PPM1D: variants seen among roughly 807,000 people sequenced by gnomAD.
The protein encoded by PPM1D is protein phosphatase 1D.
A neutral mutation model predicts 58.3 loss-of-function variants in PPM1D; 52 were observed. The ratio of observed to expected loss-of-function variants is 0.89; its 90% CI spans 0.71 to 1.12. The LOEUF (loss-of-function observed/expected upper bound fraction) is 1.12, where lower values mean the gene tolerates loss of function less well. Ranked by LOEUF, PPM1D falls within the 50% of genes most tolerant of loss-of-function variation. The probability of loss-of-function intolerance (pLI) is 0.00; values close to 1 mark genes in which losing one functional copy is unlikely to be tolerated. For missense variants in PPM1D, 564 were observed against 777.2 expected, an observed-to-expected ratio of 0.73 and a Z score of 3.26; for synonymous variants, 278 against 285.1, an observed-to-expected ratio of 0.98 and a Z score of 0.25.
Position 60,663,277 on chromosome 17 carries a change from A to G in PPM1D, c.1543A>G (p.Met515Val), listed in dbSNP as rs770291979. 2 of 1,614,216 alleles carry G rather than the reference A, an allele frequency of 1.2e-6. No homozygotes were observed. The highest frequency in any genetic ancestry group is 1.1e-5 in the South Asian group (1 of 91,082). Residue 515 changes from methionine (M) to valine (V), a missense_variant, in exon 6 of 6, where the codon ATG (methionine) becomes GTG (valine). Physicochemically the swap from Met to Val is conservative, Grantham distance 21 (BLOSUM62 1). Coordinates refer to ENST00000305921, the MANE Select transcript of PPM1D (RefSeq NM_003620.4). ...TGTCATGGACCAAAAAAATTTGAAG[A>G]TGTCAACTCCTGGCCAAATGAAAGC... ...NTVMDQKNLK[M>V]STPGQMKAQE...
intron 4 of PPM1D, among the ~76,000 whole-genome samples, chr17:60,648,463 C>A (rs1428406182): frequency 1.3e-5 from 2 of 149,572 alleles, no homozygotes; most frequent in African/African-American, 2.5e-5. Flanking sequence ...CGGCTCACTG[C>A]AAGCTCCGCC....
chr17:60,648,118 A>G (rs2031280628), intron 4 of PPM1D, 36 bp downstream of exon 4: 2 of 1,572,678 alleles, frequency 1.3e-6, no homozygotes, highest in South Asian at 2.3e-5. Flanking sequence ...ATTGTTGTCT[A>G]AACATTGTTT....
chr17:60,665,704 G>GTAAA lies in PPM1D; in HGVS notation c.*2153_*2154insAAAT, dbSNP rs1281507406. ...TCTGAGCCTCAGAAATCTGAGAGTG[G>GTAAA]TTTAGCTGGGTGATAGTCTCGTGGT... On this transcript the variant is annotated 3_prime_UTR_variant, in exon 6 of 6. Coordinates refer to ENST00000305921, the MANE Select transcript of PPM1D (RefSeq NM_003620.4). 1 of 152,172 alleles carries GTAAA rather than the reference G, an allele frequency of 6.6e-6. No individual in the cohort carries two copies. The highest frequency in any genetic ancestry group is 2.4e-5 in the African/African-American group (1 of 41,446). 9.4% of individuals were successfully genotyped at this position (152,172 alleles called of 1,614,324 possible).
At chr17:60,642,962 G>A (rs539974243) in intron 3 of PPM1D, among the ~76,000 whole-genome samples, 18 of 151,634 alleles carry the variant, frequency 1.2e-4, no homozygotes, top group African/African-American at 4.4e-4. Context: ...CACCTACTCG[G>A]GAGGCTGAGG....
chr17:60,642,352 A>ATTTTTT (rs760188816), intron 3 of PPM1D, among the ~76,000 whole-genome samples: 5 of 124,856 alleles, frequency 4.0e-5, no homozygotes, highest in African/African-American at 9.3e-5. Context: ...AGAAGAATGG[A>ATTTTTT]TTTTTTTTTT....
At chr17:60,631,472 C>T (rs2030918725) in intron 2 of PPM1D, among the ~76,000 whole-genome samples, 1 of 151,920 alleles carries the variant, frequency 6.6e-6, no homozygotes, top group African/African-American at 2.4e-5. Context: ...AACCCCGTCT[C>T]TACTAAAAAT....
chr17:60,623,832 T>A, intron 2 of PPM1D, 83 bp downstream of exon 2: 1 of 1,318,554 alleles, frequency 7.6e-7, no homozygotes, highest in Non-Finnish European at 1.0e-6. Context: ...CCTACTACTG[T>A]CCCTTTTACT....
chr17:60,600,224 GCT>G lies in PPM1D; in HGVS notation c.-189_-188del. The G allele has an allele frequency of 8.5e-7, 1 of 1,170,842 alleles. No homozygotes were observed. The highest frequency in any genetic ancestry group is 1.2e-6 in the Non-Finnish European group (1 of 865,598). 72.5% of individuals were successfully genotyped at this position (1,170,842 alleles called of 1,614,324 possible). On this transcript the variant is annotated 5_prime_UTR_variant, in exon 1 of 6. Coordinates refer to ENST00000305921, the MANE Select transcript of PPM1D (RefSeq NM_003620.4). The stretch of plus-strand genomic sequence containing the variant: ...CAGGCGCAACTGCCTGGCTCTGCTC[GCT>G]CCGGCGCTCCGGCCCAGCTCTCGCG...
At position 60,623,854 on chromosome 17, in the gene PPM1D, C is replaced by T. The variant is rs1278782038; in HGVS notation, c.701+105C>T. 4.4e-6 allele frequency: 5 copies of T among 1,125,686 alleles called. No individual in the cohort carries two copies. In the Admixed American group the frequency reaches 8.2e-5, roughly 19 times the overall value. The allele number at this position is 1,125,686 out of a possible 1,614,324, so 69.7% of individuals were successfully genotyped here. A position where few individuals can be genotyped will look rare whatever the true frequency, so the allele number is the denominator to read the frequency against. Reference sequence around the variant, plus strand: ...CTGTCCCTTTTACTGAAGTTACTTTCTTAGTATTACAGGTTTTTTAGTTTG... The same window carrying T: ...CTGTCCCTTTTACTGAAGTTACTTTTTTAGTATTACAGGTTTTTTAGTTTG... On this transcript the variant is annotated intron_variant, in intron 2 of 5. Transcript: ENST00000305921.
intron 1 of PPM1D, among the ~76,000 whole-genome samples, chr17:60,622,863 G>A (rs1013224954): frequency 3.3e-5 from 5 of 152,176 alleles, no homozygotes; most frequent in Non-Finnish European, 7.3e-5. Flanking sequence ...TTGGGAGGCC[G>A]AAGCGGGTGG....
intron 3 of PPM1D, among the ~76,000 whole-genome samples, chr17:60,642,092 C>G (rs1346599200): frequency 2.0e-5 from 3 of 152,162 alleles, no homozygotes; most frequent in African/African-American, 7.2e-5. Context: ...GTTAAAGGCC[C>G]AATTCTGATC....
chr17:60,600,763 C>G lies in PPM1D; in HGVS notation c.349C>G (p.Arg117Gly), dbSNP rs200680247. ...HGGREAAQFA[R>G]EHLWGFIKKQ... ...CGGGCGGGAGGCGGCACAGTTTGCCCGGGAGCACTTGTGGGGTTTCATCAA... is the reference window on the plus strand; with the variant it reads ...CGGGCGGGAGGCGGCACAGTTTGCCGGGGAGCACTTGTGGGGTTTCATCAA... Residue 117 changes from arginine (R) to glycine (G), a missense_variant, in exon 1 of 6, where the codon CGG (arginine) becomes GGG (glycine). Arg to Gly is a moderately radical substitution (Grantham distance 125). Coordinates refer to ENST00000305921, the MANE Select transcript of PPM1D (RefSeq NM_003620.4). 33 of 1,612,288 alleles carry G rather than the reference C, an allele frequency of 2.0e-5. No individual in the cohort carries two copies. The highest frequency in any genetic ancestry group is 2.3e-5 in the Non-Finnish European group (27 of 1,179,830).
chr17:60,628,536 A>G (rs1310342779), intron 2 of PPM1D, among the ~76,000 whole-genome samples: 1 of 152,148 alleles, frequency 6.6e-6, no homozygotes, highest in Non-Finnish European at 1.5e-5. Context: ...ACTCCTGGCA[A>G]CCACTGCTCT....
intron 3 of PPM1D, among the ~76,000 whole-genome samples, chr17:60,634,958 T>G (rs776342925): frequency 6.6e-6 from 1 of 151,868 alleles, no homozygotes; most frequent in Non-Finnish European, 1.5e-5. Flanking sequence ...TTTTTTCTTT[T>G]TTAAGGAGAC....
intron 1 of PPM1D, among the ~76,000 whole-genome samples, chr17:60,605,493 C>A (rs957181864): frequency 2.0e-5 from 3 of 152,210 alleles, no homozygotes; most frequent in African/African-American, 7.2e-5. Flanking sequence ...AGCTGCTCAA[C>A]AACTAGTTGA....
chr17:60,618,702 C>T (rs1032540997), intron 1 of PPM1D, among the ~76,000 whole-genome samples: 16 of 151,960 alleles, frequency 1.1e-4, no homozygotes, highest in African/African-American at 2.9e-4. Context: ...TCCTTTGGCG[C>T]GTAGGTGTGT....
At chr17:60,645,578 A>ATGTGTGTG (rs1382355126) in intron 3 of PPM1D, among the ~76,000 whole-genome samples, 10 of 140,278 alleles carry the variant, frequency 7.1e-5, no homozygotes, top group African/African-American at 1.9e-4. Context: ...ATATGTATAT[A>ATGTGTGTG]TATATGTGTG....
chr17:60,647,867 T>C, intron 3 of PPM1D, 25 bp from the exon 4 acceptor site: 1 of 1,572,920 alleles, frequency 6.4e-7, no homozygotes, highest in Non-Finnish European at 8.7e-7. Context: ...TAATACTTCT[T>C]GCTTTTTCTG....
At chr17:60,619,464 T>C (rs1055488678) in intron 1 of PPM1D, among the ~76,000 whole-genome samples, 1 of 152,212 alleles carries the variant, frequency 6.6e-6, no homozygotes, top group Non-Finnish European at 1.5e-5. Flanking sequence ...TTCTATAATA[T>C]TTTCCATAAT....
Sources: allele counts gnomAD v4.1 joint callset (sites outside exome capture counted in the v4.1 genomes callset), GRCh38; gene constraint gnomAD v4.1.1; transcripts MANE v1.5; gene names NCBI Gene and HGNC (gene_info 2026-07-23, HGNC 2026-07-21).